Variants in PLEKHD1 observed in about 807,000 individuals in gnomAD.
The protein encoded by PLEKHD1 is pleckstrin homology and coiled-coil domain containing D1, also known as pleckstrin homology domain-containing family D member 1.
PLEKHD1 carries 51 observed loss-of-function variants against 69.2 expected under a neutral mutation model. That is an observed-to-expected ratio of 0.74 (90% CI 0.59 to 0.93). PLEKHD1 has a LOEUF of 0.93. PLEKHD1 is among the 40% of genes least tolerant of loss of function. PLEKHD1 has a pLI of 0.00. For synonymous variants in PLEKHD1, 236 were observed against 244.7 expected (o/e 0.96, Z 0.33); for missense variants, 584 against 641.0 (o/e 0.91, Z 0.96).
At chr14:69,501,557 G>T in intron 4 of PLEKHD1, 177 bp from the exon 5 acceptor site, 1 of 547,968 alleles carries the variant, frequency 1.8e-6, no homozygotes, top group South Asian at 2.2e-5. Context: ...TAACTGATCC[G>T]TGCTGGTGAC....
At chr14:69,495,967 G>T (rs1206860856) in intron 1 of PLEKHD1, among the ~76,000 whole-genome samples, 2 of 152,198 alleles carry the variant, frequency 1.3e-5, no homozygotes, top group Non-Finnish European at 2.9e-5. Flanking sequence ...AGGGATTTTT[G>T]TCTGTCTTGT....
At chr14:69,479,678 G>T in the PLEKHD1 span, among the ~76,000 whole-genome samples, 4 of 152,118 alleles carry the variant, frequency 2.6e-5, no homozygotes, top group African/African-American at 9.7e-5. Context: ...AGTTGGACAT[G>T]AAGCAAGTTG....
chr14:69,510,656 A>G (rs562957117), intron 6 of PLEKHD1, among the ~76,000 whole-genome samples: 8 of 152,188 alleles, frequency 5.3e-5, no homozygotes, highest in African/African-American at 1.2e-4. Flanking sequence ...TTTTTGGTCA[A>G]TTCTTCCAGA....
Position 69,500,111 on chromosome 14 carries a change from A to G in PLEKHD1, c.150-4A>G, listed in dbSNP as rs1882989166. The G allele has an allele frequency of 1.9e-5, 29 of 1,543,732 alleles. No homozygotes were observed. Among genetic ancestry groups the G allele is most frequent in the Non-Finnish European group, 2.5e-5 (28 of 1,140,114 alleles). On this transcript the variant is annotated splice_polypyrimidine_tract_variant and splice_region_variant and intron_variant, in intron 1 of 12. Coordinates refer to ENST00000322564, the MANE Select transcript of PLEKHD1 (RefSeq NM_001161498.2). The stretch of plus-strand genomic sequence containing the variant: ...TGCTTTTCCTTCCCCACCGCCCACT[A>G]TAGGTTTTTCATCATCAAAGAGAGC...
chr14:69,518,022 ATTTATTTATTTG>A (rs112928469), intron 6 of PLEKHD1, among the ~76,000 whole-genome samples: 70,544 of 124,664 alleles, frequency 0.57, 17,234 homozygotes, highest in Non-Finnish European at 0.64. Context: ...TTATTTATTT[ATTTATTTATTTG>A]TTTGTTTGTT....
At chr14:69,496,662 C>T (rs1882894129) in intron 1 of PLEKHD1, among the ~76,000 whole-genome samples, 1 of 150,928 alleles carries the variant, frequency 6.6e-6, no homozygotes, top group Non-Finnish European at 1.5e-5. Context: ...CACTCAGCCT[C>T]CTGGCTAGAA....
rs1883714581 is a variant in PLEKHD1, at chr14:69,528,434, C to T, written c.*15C>T. On this transcript the variant is annotated 3_prime_UTR_variant, in exon 13 of 13. Transcript: ENST00000322564. ...GTGGAAAGTGATGGGCGCTCCTCCC[C>T]TGCTTCCCAAGTCTCCCCTGGATGG... The T allele has an allele frequency of 6.5e-7, 1 of 1,548,500 alleles. No individual in the cohort carries two copies. Among genetic ancestry groups the T allele is most frequent in the African/African-American group, 1.4e-5 (1 of 72,996 alleles).
intron 11 of PLEKHD1, 117 bp from the exon 12 acceptor site, chr14:69,527,666 G>C (rs1051386445): frequency 1.3e-5 from 17 of 1,338,940 alleles, no homozygotes; most frequent in Middle Eastern, 4.8e-4. Context: ...CTGGAATCTC[G>C]AGGGACGGGG....
At chr14:69,501,663 T>C in intron 4 of PLEKHD1, 71 bp from the exon 5 acceptor site, 5 of 1,213,008 alleles carry the variant, frequency 4.1e-6, no homozygotes, top group Non-Finnish European at 5.8e-6. Flanking sequence ...CTTTCCCCTC[T>C]ACCCTTCTGT....
chr14:69,527,142 C>CT (rs1883671013), intron 10 of PLEKHD1, 46 bp from the exon 11 acceptor site: 1 of 1,488,454 alleles, frequency 6.7e-7, no homozygotes, highest in African/African-American at 1.4e-5. Flanking sequence ...ATGGCAGCTA[C>CT]TTCCAGGACC....
At chr14:69,478,654 A>G in the PLEKHD1 span, among the ~76,000 whole-genome samples, 2 of 152,156 alleles carry the variant, frequency 1.3e-5, no homozygotes, top group African/African-American at 4.8e-5. Flanking sequence ...TTCTTTATTA[A>G]AATATAACAA....
At chr14:69,517,994 TTTTATTTA>T (rs572500099) in intron 6 of PLEKHD1, among the ~76,000 whole-genome samples, 27,861 of 126,692 alleles carry the variant, frequency 0.22, 3,472 homozygotes, top group East Asian at 0.44. Flanking sequence ...CCTGATCTGA[TTTTATTTA>T]TTTATTTATT....
chr14:69,505,599 C>A (rs1184492481), intron 6 of PLEKHD1, among the ~76,000 whole-genome samples: 1 of 152,238 alleles, frequency 6.6e-6, no homozygotes, highest in Admixed American at 6.5e-5. Context: ...CAGTTACCCT[C>A]TCTGAGCTTC....
Position 69,522,330 on chromosome 14 carries a change from C to T in PLEKHD1, c.603C>T (p.Phe201=), listed in dbSNP as rs368733167. Residue 201 remains phenylalanine, a synonymous_variant, in exon 7 of 13, where the codon TTC becomes TTT. Transcript: ENST00000322564. Reference sequence around the variant, plus strand: ...TGCTGGAGGCCGAGAAGCAGCAGTTCGAGGAGGTGGTGCAGGAGCTGAGAA... The same window carrying T: ...TGCTGGAGGCCGAGAAGCAGCAGTTTGAGGAGGTGGTGCAGGAGCTGAGAA... ...NQVLEAEKQQ[F]EEVVQELRME... is the part of the protein sequence containing the mutation. 1,457 of 1,551,480 alleles carry T rather than the reference C, an allele frequency of 9.4e-4. 5 individuals carry two copies. The highest frequency in any genetic ancestry group is 6.0e-3 in the South Asian group (508 of 84,030).
Position 69,485,018 on chromosome 14 carries a change from C to G in PLEKHD1, c.53C>G (p.Ala18Gly), listed in dbSNP as rs1224602003. The change falls in exon 1 of 13, where the codon GCT becomes GGT. Residue 18 changes from alanine (A) to glycine (G), a missense_variant. Physicochemically the swap from Ala to Gly is moderately conservative, Grantham distance 60 (BLOSUM62 0). Transcript: ENST00000322564. ...SVSPSPSLEQ[A>G]DSDALDISTK... ...TCGCCCTCGCCGTCCCTGGAGCAGG[C>G]TGACTCGGACGCCCTGGATATCAGC... 6.4e-7 allele frequency: 1 copy of G among 1,551,302 alleles called. No individual in the cohort carries two copies. The highest frequency in any genetic ancestry group is 8.7e-7 in the Non-Finnish European group (1 of 1,146,922).
chr14:69,500,314 A>C (rs1882994575), intron 2 of PLEKHD1, 106 bp downstream of exon 2: 1 of 966,512 alleles, frequency 1.0e-6, no homozygotes, highest in African/African-American at 1.7e-5. Flanking sequence ...GGCCTAGCAG[A>C]GAGTCTGGAG....
rs768911486 is a variant in PLEKHD1 at position 69,524,303 on chromosome 14, C to T, written c.725C>T (p.Ser242Phe). 8 of 1,551,442 alleles carry T rather than the reference C, an allele frequency of 5.2e-6. No individual in the cohort carries two copies. In the South Asian group the frequency reaches 5.9e-5, roughly 12 times the overall value. Residue 242 changes from serine to phenylalanine, a missense_variant, in exon 8 of 13, where the codon TCC becomes TTC. Coordinates refer to ENST00000322564, the MANE Select transcript of PLEKHD1 (RefSeq NM_001161498.2). ...EKKELRHLTE[S>F]LQQTLEELSI... is the part of the protein sequence containing the mutation. ...AAGGAACTGAGGCACCTCACGGAGT[C>T]CTTGCAGCAGACACTGGAGGTGAGG...
Position 69,522,384 on chromosome 14 carries a change from G to A in PLEKHD1, c.650+7G>A, listed in dbSNP as rs1392696728. 1.3e-6 allele frequency: 2 copies of A among 1,551,236 alleles called. No homozygotes were observed. Among genetic ancestry groups the A allele is most frequent in the African/African-American group, 1.4e-5 (1 of 73,028 alleles). ...AGCAGGAGCAGATCAAGAGGTGGTG[G>A]TGGTGCCTGGGAATTGGGGGTGCCA... On this transcript the variant is annotated splice_region_variant and intron_variant, in intron 7 of 12. Coordinates refer to ENST00000322564, the MANE Select transcript of PLEKHD1 (RefSeq NM_001161498.2).
chr14:69,519,081 A>G (rs1366730496), intron 6 of PLEKHD1, among the ~76,000 whole-genome samples: 2 of 152,166 alleles, frequency 1.3e-5, no homozygotes. Flanking sequence ...TTTGGGCAAG[A>G]GACAGAGATG....
Sources: allele counts gnomAD v4.1 joint callset (sites outside exome capture counted in the v4.1 genomes callset), GRCh38; gene constraint gnomAD v4.1.1; transcripts MANE v1.5; gene names NCBI Gene and HGNC (gene_info 2026-07-23, HGNC 2026-07-21).